MTDH: variants seen among roughly 807,000 people sequenced by gnomAD.
The protein encoded by MTDH is metadherin.
MTDH carries 34 observed loss-of-function variants against 72.7 expected under a neutral mutation model. That is an observed-to-expected ratio of 0.47 (90% CI 0.36 to 0.62). MTDH has a LOEUF of 0.62. MTDH is among the 20% of genes least tolerant of loss of function. The probability of loss-of-function intolerance (pLI) is 0.00; values close to 1 mark genes in which losing one functional copy is unlikely to be tolerated. For missense variants in MTDH, 677 were observed against 699.4 expected, an observed-to-expected ratio of 0.97 and a Z score of 0.36; for synonymous variants, 266 against 268.9, an observed-to-expected ratio of 0.99 and a Z score of 0.10.
chr8:97,677,018 A>AAAAAT (rs1298349421), intron 2 of MTDH, among the ~76,000 whole-genome samples: 1 of 142,186 alleles, frequency 7.0e-6, no homozygotes, highest in African/African-American at 2.6e-5. Context: ...AAAAAAAAAA[A>AAAAAT]AAAAAAATAC....
intron 2 of MTDH, among the ~76,000 whole-genome samples, chr8:97,666,074 G>T (rs1812371915): frequency 6.7e-6 from 1 of 148,804 alleles, no homozygotes; most frequent in South Asian, 2.1e-4. Flanking sequence ...CTTGCAGTGA[G>T]CCACGATTGT....
rs969229793 is a variant in MTDH, at chr8:97,665,870, T to A, written c.483+4697T>A. Among the ~76,000 whole-genome samples, 51 of 152,228 alleles carry A rather than the reference T, an allele frequency of 3.4e-4. 1 individual carries two copies. The highest frequency in any genetic ancestry group is 6.5e-4 in the Admixed American group (10 of 15,284). On this transcript the variant is annotated intron_variant, in intron 2 of 11. Transcript: ENST00000336273. The stretch of plus-strand genomic sequence containing the variant: ...GGCCGGGCGCGGTGGCTCACGCCTG[T>A]AATCCCAGCACTTTGAGAGGCAGAG...
At chr8:97,691,335 C>A in intron 6 of MTDH, 147 bp downstream of exon 6, 1 of 567,838 alleles carries the variant, frequency 1.8e-6, no homozygotes, top group Non-Finnish European at 3.0e-6. Flanking sequence ...ATCTCACATC[C>A]TTTTTGTAGA....
At chr8:97,720,845 G>A (rs2131085397) in intron 10 of MTDH, among the ~76,000 whole-genome samples, 1 of 151,412 alleles carries the variant, frequency 6.6e-6, no homozygotes, top group African/African-American at 2.4e-5. Context: ...GTAGAGATGG[G>A]GTTTCACCTT....
At chr8:97,678,235 ATGTT>A (rs1812933315) in intron 2 of MTDH, among the ~76,000 whole-genome samples, 1 of 152,204 alleles carries the variant, frequency 6.6e-6, no homozygotes, top group Non-Finnish European at 1.5e-5. Flanking sequence ...ACTTTTTTGA[ATGTT>A]TGTGGAAAAA....
At chr8:97,695,908 G>C (rs996830643) in intron 6 of MTDH, among the ~76,000 whole-genome samples, 1 of 152,222 alleles carries the variant, frequency 6.6e-6, no homozygotes, top group Non-Finnish European at 1.5e-5. Flanking sequence ...TAGTGGAAAA[G>C]AGCATAGGCT....
chr8:97,710,096 C>G (rs10217085), intron 8 of MTDH, among the ~76,000 whole-genome samples: 4 of 152,126 alleles, frequency 2.6e-5, no homozygotes, highest in African/African-American at 7.2e-5. Context: ...GTGAAAACTT[C>G]TAGGGATGTT....
At chr8:97,723,218 G>A (rs991938155) in intron 11 of MTDH, among the ~76,000 whole-genome samples, 183 bp downstream of exon 11, 3 of 151,704 alleles carry the variant, frequency 2.0e-5, no homozygotes, top group South Asian at 4.2e-4. Flanking sequence ...CTAACATGGT[G>A]AAACCCCGTC....
At chr8:97,697,409 C>T (rs1255349509) in intron 6 of MTDH, among the ~76,000 whole-genome samples, 44 of 102,062 alleles carry the variant, frequency 4.3e-4, no homozygotes, top group Admixed American at 5.4e-4. Context: ...TTTTTTGAGA[C>T]GGAGTCTCGC....
At chr8:97,661,047 A>G in intron 1 of MTDH, 25 bp from the exon 2 acceptor site, 2 of 1,592,364 alleles carry the variant, frequency 1.3e-6, no homozygotes, top group South Asian at 1.1e-5. Flanking sequence ...GTTTGATAAT[A>G]TGATACTTTT....
At chr8:97,719,943 T>C (rs2131082776) in intron 10 of MTDH, among the ~76,000 whole-genome samples, 2 of 152,310 alleles carry the variant, frequency 1.3e-5, no homozygotes, top group African/African-American at 4.8e-5. Context: ...ACAAAAGGCC[T>C]AGGTTGGTGA....
chr8:97,719,694 G>A (rs1395192229), intron 10 of MTDH, among the ~76,000 whole-genome samples: 1 of 152,072 alleles, frequency 6.6e-6, no homozygotes, highest in Non-Finnish European at 1.5e-5. Flanking sequence ...ATAACTATCA[G>A]TAGTGAAATC....
intron 4 of MTDH, among the ~76,000 whole-genome samples, chr8:97,688,480 C>T (rs368254469): frequency 9.2e-5 from 14 of 152,102 alleles, no homozygotes; most frequent in East Asian, 3.8e-4. Context: ...TTGTGCATGC[C>T]ATCCTTGCTA....
chr8:97,677,917 A>G (rs905087037), intron 2 of MTDH, among the ~76,000 whole-genome samples: 4 of 152,224 alleles, frequency 2.6e-5, no homozygotes, highest in African/African-American at 7.2e-5. Flanking sequence ...AAGAAATACT[A>G]TGGGGAAACA....
intron 2 of MTDH, among the ~76,000 whole-genome samples, chr8:97,684,868 C>G (rs1210015844): frequency 1.3e-5 from 2 of 152,180 alleles, no homozygotes; most frequent in African/African-American, 4.8e-5. Flanking sequence ...GAGTTCGAGA[C>G]CAGCCTGGCT....
intron 1 of MTDH, among the ~76,000 whole-genome samples, chr8:97,652,857 G>C (rs1297296756): frequency 2.0e-5 from 3 of 152,228 alleles, no homozygotes; most frequent in Middle Eastern, 3.4e-3. Context: ...TAATCAGCCA[G>C]GTGCGGTGGT....
Position 97,691,208 on chromosome 8 carries a change from T to C in MTDH, c.1048+20T>C, listed in dbSNP as rs761576619. 66 of 1,485,000 alleles carry C rather than the reference T, an allele frequency of 4.4e-5. No homozygotes were observed. Among genetic ancestry groups the C allele is most frequent in the Non-Finnish European group, 5.9e-5 (65 of 1,103,062 alleles). The allele number at this position is 1,485,000 out of a possible 1,614,324, so 92.0% of individuals were successfully genotyped here. A position where few individuals can be genotyped will look rare whatever the true frequency, so the allele number is the denominator to read the frequency against. ...GCATTGGTAAGAAGTGTTAGAAAAATTTAACTTTATTTAAAATTACTAATC... is the reference window on the plus strand; with the variant it reads ...GCATTGGTAAGAAGTGTTAGAAAAACTTAACTTTATTTAAAATTACTAATC... On this transcript the variant is annotated intron_variant, in intron 6 of 11. Coordinates refer to ENST00000336273, the MANE Select transcript of MTDH (RefSeq NM_178812.4).
chr8:97,651,766 C>T (rs996972529), intron 1 of MTDH, among the ~76,000 whole-genome samples: 2 of 152,170 alleles, frequency 1.3e-5, no homozygotes, highest in African/African-American at 4.8e-5. Context: ...TGCTTGATTT[C>T]TCTGATTGGG....
chr8:97,670,135 C>T (rs1479754976), intron 2 of MTDH, among the ~76,000 whole-genome samples: 3 of 151,718 alleles, frequency 2.0e-5, no homozygotes, highest in Non-Finnish European at 4.4e-5. Context: ...GGCAACATGG[C>T]GAAACCTCGT....
Sources: allele counts gnomAD v4.1 joint callset (sites outside exome capture counted in the v4.1 genomes callset), GRCh38; gene constraint gnomAD v4.1.1; transcripts MANE v1.5; gene names NCBI Gene and HGNC (gene_info 2026-07-23, HGNC 2026-07-21).